Variants in CYRIB observed in about 807,000 individuals in gnomAD.
CYRIB encodes CYFIP-related Rac1 interactor B.
A neutral mutation model predicts 44.2 loss-of-function variants in CYRIB; 8 were observed. The observed-to-expected ratio is 0.18, with a 90% CI of 0.11 to 0.33. The LOEUF (loss-of-function observed/expected upper bound fraction) is 0.33, where lower values mean the gene tolerates loss of function less well. Ranked by LOEUF, CYRIB falls within the 10% of genes least tolerant of loss-of-function variation. The probability of loss-of-function intolerance (pLI) is 1.00; values close to 1 mark genes in which losing one functional copy is unlikely to be tolerated. For synonymous variants in CYRIB, 131 were observed against 127.2 expected (o/e 1.03, Z -0.20); for missense variants, 185 against 382.8 (o/e 0.48, Z 4.31).
In CYRIB at chr8:129,987,009, C is replaced by T. The variant is rs1238236577; in HGVS notation, c.-295-16014G>A. Among the ~76,000 whole-genome samples the T allele has an allele frequency of 2.6e-5, 4 of 152,188 alleles. No homozygotes were observed. In the East Asian group the frequency reaches 7.7e-4, roughly 29 times the overall value. ...CTCAAATGCAGCCATATGCCCCTAA[C>T]TAGACAGTAAGAGACTTCTCTCACA... is the stretch of plus-strand genomic sequence containing the variant. On this transcript the variant is annotated intron_variant, in intron 1 of 14. Coordinates refer to the CYRIB transcript ENST00000401979.
At chr8:129,929,047 C>G (rs1200018463) in intron 1 of CYRIB, among the ~76,000 whole-genome samples, 1 of 152,162 alleles carries the variant, frequency 6.6e-6, no homozygotes, top group Non-Finnish European at 1.5e-5. Context: ...CACCCATCAA[C>G]TGGTAATGAA....
At chr8:129,919,201 A>T (rs182782748) in intron 1 of CYRIB, among the ~76,000 whole-genome samples, 1 of 152,018 alleles carries the variant, frequency 6.6e-6, no homozygotes, top group East Asian at 1.9e-4. Context: ...GACTGATAAA[A>T]CTCAGTTGCA....
intron 1 of CYRIB, among the ~76,000 whole-genome samples, chr8:129,930,365 T>TATATATATATATATATA (rs2090532178): frequency 9.9e-5 from 5 of 50,436 alleles, no homozygotes; most frequent in Admixed American, 2.4e-4. Flanking sequence ...TGTGAAGTGC[T>TATATATATATATATATA]TATATATATA....
At chr8:129,934,897 A>G (rs780834876) in intron 1 of CYRIB, among the ~76,000 whole-genome samples, 24 of 152,234 alleles carry the variant, frequency 1.6e-4, no homozygotes, top group Non-Finnish European at 2.8e-4. Flanking sequence ...ATAGATTAAA[A>G]GAAGTTAATC....
At chr8:129,889,032 C>T (rs1392474958) in intron 2 of CYRIB, among the ~76,000 whole-genome samples, 1 of 152,138 alleles carries the variant, frequency 6.6e-6, no homozygotes. Context: ...GCAGAGGTTG[C>T]AGTGAGCCAA....
intron 1 of CYRIB, among the ~76,000 whole-genome samples, chr8:129,926,606 G>A (rs958290529): frequency 2.6e-5 from 4 of 152,136 alleles, no homozygotes; most frequent in African/African-American, 9.7e-5. Flanking sequence ...AATGGGATGT[G>A]ATCTACACTA....
intron 2 of CYRIB, among the ~76,000 whole-genome samples, chr8:129,881,736 T>C (rs1041855270): frequency 6.6e-6 from 1 of 152,106 alleles, no homozygotes; most frequent in Non-Finnish European, 1.5e-5. Context: ...TATTAACATT[T>C]CTATTACACA....
intron 1 of CYRIB, among the ~76,000 whole-genome samples, chr8:130,000,581 T>C (rs2096886339): frequency 6.6e-6 from 1 of 152,070 alleles, no homozygotes; most frequent in Non-Finnish European, 1.5e-5. Context: ...CAGTCCCAGC[T>C]ACTCAGAGGC....
chr8:129,971,088 A>C (rs1421456281), intron 1 of CYRIB, 93 bp from the exon 2 acceptor site: 2 of 152,220 alleles, frequency 1.3e-5, no homozygotes, highest in African/African-American at 4.8e-5. Flanking sequence ...TTTTTTTCCC[A>C]TAGTAGAGGT....
intron 4 of CYRIB, 111 bp downstream of exon 6, chr8:129,871,255 CATCCTTCAA>C (rs2057078408): frequency 3.5e-6 from 4 of 1,150,038 alleles, no homozygotes; most frequent in Non-Finnish European, 4.8e-6. Flanking sequence ...GCCAAGTGAG[CATCCTTCAA>C]ATATAATACT....
intron 2 of CYRIB, among the ~76,000 whole-genome samples, chr8:129,953,343 C>T (rs974982381): frequency 6.6e-6 from 1 of 152,116 alleles, no homozygotes; most frequent in African/African-American, 2.4e-5. Context: ...TGTTCGTGAG[C>T]GGACTCTTGA....
intron 1 of CYRIB, among the ~76,000 whole-genome samples, chr8:129,973,020 C>T (rs954680207): frequency 9.2e-5 from 14 of 152,186 alleles, no homozygotes. Flanking sequence ...AGTGAGGACA[C>T]TCATTCACTC....
intron 4 of CYRIB, among the ~76,000 whole-genome samples, chr8:129,871,081 G>T (rs1166837689): frequency 6.6e-6 from 1 of 152,168 alleles, no homozygotes; most frequent in East Asian, 1.9e-4. Context: ...CTGCAAGGAT[G>T]ATTTCCACTT....
intron 1 of CYRIB, among the ~76,000 whole-genome samples, chr8:130,010,665 G>C (rs1217935410): frequency 3.3e-5 from 5 of 152,092 alleles, no homozygotes; most frequent in Non-Finnish European, 7.4e-5. Context: ...CCTGTCCTGA[G>C]GTCCATCCTA....
At chr8:130,010,821 G>A (rs2134421229) in intron 1 of CYRIB, among the ~76,000 whole-genome samples, 2 of 152,254 alleles carry the variant, frequency 1.3e-5, no homozygotes, top group South Asian at 4.1e-4. Flanking sequence ...GGTCAGGTTG[G>A]ATGATCTCCT....
intron 2 of CYRIB, among the ~76,000 whole-genome samples, chr8:129,952,114 C>T (rs1338573837): frequency 3.3e-5 from 5 of 152,358 alleles, no homozygotes; most frequent in East Asian, 1.9e-4. Flanking sequence ...GGTGCAATCT[C>T]GGCTTACCGC....
At chr8:129,939,861 G>C (rs984393281), upstream of CYRIB, 2 of 152,434 alleles carry the variant, frequency 1.3e-5, no homozygotes, top group African/African-American at 4.8e-5. Context: ...ATGCCAGGAA[G>C]TGAGGGCGCC....
chr8:129,846,084 A>G (rs2039806943), intron 11 of CYRIB, among the ~76,000 whole-genome samples: 1 of 152,246 alleles, frequency 6.6e-6, no homozygotes, highest in Non-Finnish European at 1.5e-5. Context: ...ATAAGCCAAG[A>G]TTGTGCCACT....
chr8:129,845,882 T>C (rs1358093864), intron 11 of CYRIB, among the ~76,000 whole-genome samples: 1 of 152,226 alleles, frequency 6.6e-6, no homozygotes, highest in Non-Finnish European at 1.5e-5. Context: ...CAGTGGCTCA[T>C]GCTGTAATCT....
Sources: gnomAD v4.1 joint callset for allele counts (sites outside exome capture counted in the v4.1 genomes callset) on GRCh38, gnomAD v4.1.1 for gene constraint, MANE v1.5 for transcripts, NCBI Gene and HGNC (gene_info 2026-07-23, HGNC 2026-07-21) for gene names.